Variants in CHL1 observed in about 807,000 individuals in gnomAD.
CHL1 encodes the protein cell adhesion molecule L1 like.
Under a neutral mutation model 141.9 loss-of-function variants are expected in CHL1, and 96 were observed. The observed-to-expected ratio is 0.68, with a 90% CI of 0.57 to 0.80. The LOEUF (loss-of-function observed/expected upper bound fraction) is 0.80, where lower values mean the gene tolerates loss of function less well. CHL1 is among the 30% of genes least tolerant of loss of function. The pLI is 0.00. For synonymous variants in CHL1, 613 were observed against 502.2 expected, an observed-to-expected ratio of 1.22 and a Z score of -2.95; for missense variants, 1,820 against 1,457.2, an observed-to-expected ratio of 1.25 and a Z score of -4.05.
intron 2 of CHL1, among the ~76,000 whole-genome samples, chr3:318,084 T>C (rs1002900410): frequency 6.6e-6 from 1 of 151,816 alleles, no homozygotes; most frequent in Non-Finnish European, 1.5e-5. Flanking sequence ...GATTCACAAC[T>C]TTTTTGGAGG....
intron 10 of CHL1, among the ~76,000 whole-genome samples, chr3:352,109 G>C (rs1157732130): frequency 6.6e-6 from 1 of 152,102 alleles, no homozygotes; most frequent in Non-Finnish European, 1.5e-5. Flanking sequence ...TAGAGCCATA[G>C]TATAATCCAA....
chr3:407,321 G>C lies in CHL1; in HGVS notation c.*1610G>C, dbSNP rs1026504045. On this transcript the variant is annotated 3_prime_UTR_variant, in exon 28 of 28. Coordinates refer to ENST00000256509, the MANE Select transcript of CHL1 (RefSeq NM_006614.4). ...ATAGTTCATGGAGACCAAAATTTGG[G>C]GTATTTATAATAGTCAGCGCAGGAA... 1.3e-5 allele frequency: 2 copies of C among 151,992 alleles called. No homozygotes were observed. Among genetic ancestry groups the C allele is most frequent in the African/African-American group, 4.8e-5 (2 of 41,374 alleles). The allele number at this position is 151,992 out of a possible 1,614,324, so 9.4% of individuals were successfully genotyped here. A position where few individuals can be genotyped will look rare whatever the true frequency, so the allele number is the denominator to read the frequency against.
chr3:201,420 C>T (rs923483679), intron 1 of CHL1, among the ~76,000 whole-genome samples: 21 of 152,282 alleles, frequency 1.4e-4, no homozygotes, highest in African/African-American at 5.1e-4. Flanking sequence ...ATGTTGACTT[C>T]ACTTTCACAT....
At chr3:347,185 T>C (rs1240996399) in intron 9 of CHL1, among the ~76,000 whole-genome samples, 3 of 152,062 alleles carry the variant, frequency 2.0e-5, no homozygotes, top group Non-Finnish European at 2.9e-5. Context: ...GTTTTGTAAA[T>C]TCGTGGGTTT....
intron 14 of CHL1, among the ~76,000 whole-genome samples, chr3:365,107 G>A (rs1455340225): frequency 6.6e-6 from 1 of 152,128 alleles, no homozygotes; most frequent in Non-Finnish European, 1.5e-5. Flanking sequence ...AATGTACATA[G>A]CCAATATCAG....
intron 1 of CHL1, among the ~76,000 whole-genome samples, chr3:215,259 G>C (rs1700221662): frequency 6.6e-6 from 1 of 152,054 alleles, no homozygotes; most frequent in Admixed American, 6.5e-5. Context: ...CTGTCATTGT[G>C]GTAACATGGA....
chr3:269,869 G>C (rs988435713), intron 2 of CHL1, among the ~76,000 whole-genome samples: 1 of 152,118 alleles, frequency 6.6e-6, no homozygotes, highest in African/African-American at 2.4e-5. Flanking sequence ...GCTGTTGCTG[G>C]TACCTCATCT....
intron 10 of CHL1, among the ~76,000 whole-genome samples, chr3:354,437 A>ACG (rs2125225880): frequency 1.6e-4 from 2 of 12,894 alleles, no homozygotes; most frequent in Non-Finnish European, 0.033. Context: ...ACACAAGCAC[A>ACG]CACACACACA....
In CHL1 at chr3:313,455, T is replaced by C. The variant is rs535569357; in HGVS notation, c.-94-6228T>C. 1.4e-3 allele frequency among the ~76,000 whole-genome samples: 209 copies of C among 152,282 alleles called. 1 individual carries two copies. Among genetic ancestry groups the C allele is most frequent in the Non-Finnish European group, 3.5e-4 (24 of 68,012 alleles). On this transcript the variant is annotated intron_variant, in intron 2 of 27. Coordinates refer to ENST00000256509, the MANE Select transcript of CHL1 (RefSeq NM_006614.4). ...AATTCCAGCATATAAATTTGAATAA[T>C]GTTATTTGCAAAAGGGAAAATCGAA...
intron 1 of CHL1, among the ~76,000 whole-genome samples, chr3:203,112 T>C (rs1287821005): frequency 1.3e-5 from 2 of 152,234 alleles, no homozygotes; most frequent in Non-Finnish European, 2.9e-5. Flanking sequence ...TCATCCTTTT[T>C]TTGGTTATAA....
intron 15 of CHL1, 108 bp downstream of exon 15, chr3:366,223 C>G (rs1397648030): frequency 1.9e-6 from 2 of 1,070,104 alleles, no homozygotes; most frequent in African/African-American, 3.2e-5. Context: ...GTAATCCCAG[C>G]ACTTTGGGAG....
In CHL1 at chr3:382,238, C is replaced by A. The variant is rs1707136550; in HGVS notation, c.1936C>A (p.Leu646Met). The change falls in exon 17 of 28, where the codon CTG becomes ATG. Residue 646 changes from leucine (L) to methionine (M), a missense_variant. Leu to Met is a conservative substitution (Grantham distance 15, BLOSUM62 2). Transcript: ENST00000256509. ...LSERQNRSVR[L>M]TWEAGADHNS... ...TGAAAGACAGAACAGGAGTGTTCGG[C>A]TGACCTGGGAAGCTGGAGCTGACCA... is the stretch of plus-strand genomic sequence containing the variant. The A allele has an allele frequency of 6.2e-7, 1 of 1,613,668 alleles. No homozygotes were observed. Among genetic ancestry groups the A allele is most frequent in the Non-Finnish European group, 8.5e-7 (1 of 1,179,776 alleles).
intron 9 of CHL1, among the ~76,000 whole-genome samples, chr3:348,373 A>C (rs1702945973): frequency 2.0e-5 from 3 of 152,186 alleles, no homozygotes; most frequent in Admixed American, 2.0e-4. Context: ...GTGTTGCATC[A>C]ATAAAATTAG....
intron 5 of CHL1, among the ~76,000 whole-genome samples, chr3:334,708 T>C (rs1243272834): frequency 1.3e-5 from 2 of 152,208 alleles, no homozygotes; most frequent in Non-Finnish European, 2.9e-5. Flanking sequence ...TTTCCACTTT[T>C]GGCTATTATA....
At chr3:335,032 T>A (rs1701756959) in intron 5 of CHL1, among the ~76,000 whole-genome samples, 1 of 152,236 alleles carries the variant, frequency 6.6e-6, no homozygotes, top group Non-Finnish European at 1.5e-5. Context: ...ATATAATAAT[T>A]TAATGAAAAC....
At chr3:207,345 C>T (rs1699529554) in intron 1 of CHL1, among the ~76,000 whole-genome samples, 3 of 152,160 alleles carry the variant, frequency 2.0e-5, no homozygotes. Flanking sequence ...TTCTATAAAG[C>T]TTTTGTTTGA....
At chr3:405,400 A>T in intron 27 of CHL1, 95 bp from the exon 28 acceptor site, 1 of 825,610 alleles carries the variant, frequency 1.2e-6, no homozygotes, top group Non-Finnish European at 1.9e-6. Context: ...AATGTCCTGA[A>T]AATTATAAAA....
At position 341,090 on chromosome 3, in the gene CHL1, A is replaced by G. The variant is rs569317442; in HGVS notation, c.508+174A>G. ...TTTGTCTGTGAAGACAATACTTCCT[A>G]TATTTCAAACAGTGCACTTACCTTT... On this transcript the variant is annotated intron_variant, in intron 6 of 27. Coordinates refer to ENST00000256509, the MANE Select transcript of CHL1 (RefSeq NM_006614.4). 2.6e-5 allele frequency among the ~76,000 whole-genome samples: 4 copies of G among 152,332 alleles called. No individual in the cohort carries two copies. The East Asian group carries it at 5.8e-4, about 22-fold the overall frequency.
chr3:294,388 G>A (rs887420738), intron 2 of CHL1, among the ~76,000 whole-genome samples: 29 of 152,142 alleles, frequency 1.9e-4, no homozygotes, highest in African/African-American at 7.0e-4. Flanking sequence ...AGTTCATTGA[G>A]TTAACGAGGA....
Sources: gnomAD v4.1 joint callset for allele counts (sites outside exome capture counted in the v4.1 genomes callset) on GRCh38, gnomAD v4.1.1 for gene constraint, MANE v1.5 for transcripts, NCBI Gene and HGNC (gene_info 2026-07-23, HGNC 2026-07-21) for gene names.